Variants in SPAG16 observed in about 807,000 individuals in gnomAD.
SPAG16 encodes the protein sperm associated antigen 16.
A neutral mutation model predicts 80.4 loss-of-function variants in SPAG16; 86 were observed. The observed-to-expected ratio is 1.07, with a 90% CI of 0.90 to 1.28. The LOEUF (loss-of-function observed/expected upper bound fraction) is 1.28, where lower values mean the gene tolerates loss of function less well. Ranked by LOEUF, SPAG16 falls within the 50% of genes most tolerant of loss-of-function variation. The pLI, the probability that SPAG16 is intolerant of heterozygous loss-of-function variation, is 0.00. For synonymous variants in SPAG16, 294 were observed against 265.9 expected (o/e 1.11, Z -1.03); for missense variants, 870 against 765.3 (o/e 1.14, Z -1.61).
chr2:213,493,916 C>G (rs1008612313), intron 10 of SPAG16, among the ~76,000 whole-genome samples: 1 of 152,188 alleles, frequency 6.6e-6, no homozygotes, highest in African/African-American at 2.4e-5. Flanking sequence ...TCCACTTGTC[C>G]TTGCCATTCT....
At chr2:214,345,285 A>G (rs1697983161) in intron 15 of SPAG16, among the ~76,000 whole-genome samples, 1 of 152,108 alleles carries the variant, frequency 6.6e-6, no homozygotes, top group Non-Finnish European at 1.5e-5. Context: ...TTTGGCTAAT[A>G]TCTGCTGTTG....
intron 15 of SPAG16, among the ~76,000 whole-genome samples, chr2:214,337,183 T>C (rs1481258874): frequency 6.6e-6 from 1 of 152,008 alleles, no homozygotes; most frequent in Non-Finnish European, 1.5e-5. Flanking sequence ...TTTTTCTCTT[T>C]CGTAGTAAAG....
At chr2:213,895,522 A>T (rs2076959790) in intron 11 of SPAG16, among the ~76,000 whole-genome samples, 1 of 152,176 alleles carries the variant, frequency 6.6e-6, no homozygotes, top group Non-Finnish European at 1.5e-5. Context: ...AATTTATTAC[A>T]AAGACATAGT....
intron 15 of SPAG16, among the ~76,000 whole-genome samples, chr2:214,176,864 AT>A (rs34952338): frequency 0.3 from 44,918 of 150,690 alleles, 8,367 homozygotes; most frequent in Non-Finnish European, 0.41. Context: ...TGGCAAAAAA[AT>A]ATGTGCTATC....
chr2:214,042,399 A>C (rs995204345), intron 13 of SPAG16, among the ~76,000 whole-genome samples: 2 of 150,634 alleles, frequency 1.3e-5, no homozygotes, highest in Non-Finnish European at 2.9e-5. Context: ...CCAACCCCAA[A>C]ATTTTATCCC....
At chr2:214,039,143 G>C (rs1462116433) in intron 13 of SPAG16, among the ~76,000 whole-genome samples, 3 of 152,150 alleles carry the variant, frequency 2.0e-5, no homozygotes, top group Non-Finnish European at 4.4e-5. Context: ...GGTTGAACTA[G>C]TTTACAGTCC....
intron 10 of SPAG16, among the ~76,000 whole-genome samples, chr2:213,812,454 T>C (rs541562474): frequency 6.6e-6 from 1 of 152,310 alleles, no homozygotes; most frequent in Non-Finnish European, 1.5e-5. Context: ...GGAAATCTAA[T>C]AGGTTATTAC....
intron 15 of SPAG16, among the ~76,000 whole-genome samples, chr2:214,390,341 T>A (rs796250817): frequency 0.041 from 5,188 of 125,366 alleles, 374 homozygotes; most frequent in African/African-American, 0.14. Context: ...CTTTTTTTTT[T>A]AAAAAAAAAA....
chr2:213,862,188 T>C (rs72941157), intron 10 of SPAG16, among the ~76,000 whole-genome samples: 2 of 151,800 alleles, frequency 1.3e-5, no homozygotes, highest in African/African-American at 4.8e-5. Context: ...AGAAAAACCA[T>C]AATTACTCTT....
intron 15 of SPAG16, among the ~76,000 whole-genome samples, chr2:214,263,113 A>G (rs535530804): frequency 9.9e-5 from 15 of 152,226 alleles, no homozygotes; most frequent in Admixed American, 2.6e-4. Context: ...TAAGTATACA[A>G]TGCTTTACTA....
At chr2:213,618,989 T>A (rs1559315143) in intron 10 of SPAG16, among the ~76,000 whole-genome samples, 1 of 152,218 alleles carries the variant, frequency 6.6e-6, no homozygotes, top group East Asian at 1.9e-4. Flanking sequence ...CATTTTATTT[T>A]AAAACAAGTT....
chr2:213,921,576 T>C (rs2078226704), intron 11 of SPAG16, among the ~76,000 whole-genome samples: 1 of 152,188 alleles, frequency 6.6e-6, no homozygotes, highest in African/African-American at 2.4e-5. Context: ...TGTCATCATA[T>C]TGTTAGCTGG....
chr2:213,507,000 T>C (rs1575779144), intron 10 of SPAG16, among the ~76,000 whole-genome samples: 1 of 152,216 alleles, frequency 6.6e-6, no homozygotes, highest in African/African-American at 2.4e-5. Flanking sequence ...AAATGTAAGT[T>C]CTCTTTCCTG....
rs576703264 is a variant in SPAG16, at chr2:213,821,985, T to G, written c.1071-40500T>G. ...ACTTAGGTTGCTTCCAAATCTTGGC[T>G]ATTGTGAACAGTGCTGCACAAACAT... On this transcript the variant is annotated intron_variant, in intron 10 of 15. Transcript: ENST00000331683. 1.4e-4 allele frequency among the ~76,000 whole-genome samples: 21 copies of G among 152,342 alleles called. No homozygotes were observed. In the East Asian group the frequency reaches 4.1e-3, roughly 29 times the overall value.
At chr2:213,892,642 G>C (rs531224464) in intron 11 of SPAG16, among the ~76,000 whole-genome samples, 3 of 152,190 alleles carry the variant, frequency 2.0e-5, no homozygotes, top group Admixed American at 2.0e-4. Context: ...AGAAATCGTA[G>C]AGCTGAGAAA....
chr2:213,750,011 G>A (rs911190524), intron 10 of SPAG16, among the ~76,000 whole-genome samples: 2 of 152,090 alleles, frequency 1.3e-5, no homozygotes, highest in Admixed American at 1.3e-4. Context: ...ATTGTATCCC[G>A]AGGCCCAGCA....
intron 10 of SPAG16, among the ~76,000 whole-genome samples, chr2:213,846,902 T>C (rs1006665413): frequency 6.6e-6 from 1 of 152,188 alleles, no homozygotes; most frequent in Admixed American, 6.5e-5. Context: ...GTCTAGTCTC[T>C]TATCTGGAGG....
At chr2:213,600,862 T>C (rs2124970721) in intron 10 of SPAG16, among the ~76,000 whole-genome samples, 1 of 152,346 alleles carries the variant, frequency 6.6e-6, no homozygotes, top group Admixed American at 6.5e-5. Flanking sequence ...CTCTGAAGGT[T>C]CACTTAAAAG....
chr2:213,408,792 G>A (rs2068805037), intron 9 of SPAG16, among the ~76,000 whole-genome samples: 1 of 152,178 alleles, frequency 6.6e-6, no homozygotes, highest in African/African-American at 2.4e-5. Flanking sequence ...ACTCAGCCAA[G>A]CCTTAAACAG....
Sources: gnomAD v4.1 joint callset for allele counts (sites outside exome capture counted in the v4.1 genomes callset) on GRCh38, gnomAD v4.1.1 for gene constraint, MANE v1.5 for transcripts, NCBI Gene and HGNC (gene_info 2026-07-23, HGNC 2026-07-21) for gene names.